Variants in INPP4B observed in about 807,000 individuals in gnomAD.
INPP4B encodes the protein inositol polyphosphate-4-phosphatase type II B.
INPP4B carries 55 observed loss-of-function variants against 122.5 expected under a neutral mutation model. That is an observed-to-expected ratio of 0.45 (90% CI 0.36 to 0.56). The LOEUF (loss-of-function observed/expected upper bound fraction) is 0.56, where lower values mean the gene tolerates loss of function less well. INPP4B is among the 20% of genes least tolerant of loss of function. The pLI is 0.00. For synonymous variants in INPP4B, 403 were observed against 388.7 expected (o/e 1.04, Z -0.43); for missense variants, 1,000 against 1,097.7 (o/e 0.91, Z 1.26).
chr4:142,775,270 C>T (rs542207168), intron 1 of INPP4B, among the ~76,000 whole-genome samples: 1 of 151,232 alleles, frequency 6.6e-6, no homozygotes, highest in South Asian at 2.1e-4. Flanking sequence ...CTTTACTGTA[C>T]TCTTGAACCA....
intron 7 of INPP4B, among the ~76,000 whole-genome samples, chr4:142,322,294 A>C (rs1290519650): frequency 6.6e-6 from 1 of 152,178 alleles, no homozygotes; most frequent in Non-Finnish European, 1.5e-5. Flanking sequence ...TAAAAAAAAA[A>C]CTAGGCAATA....
At chr4:142,213,647 T>G (rs1430586317) in intron 12 of INPP4B, among the ~76,000 whole-genome samples, 1 of 152,228 alleles carries the variant, frequency 6.6e-6, no homozygotes, top group East Asian at 1.9e-4. Flanking sequence ...CTTGCTCGTA[T>G]TCCTTGTATT....
At chr4:142,235,278 G>T (rs188499598) in intron 12 of INPP4B, among the ~76,000 whole-genome samples, 1 of 151,594 alleles carries the variant, frequency 6.6e-6, no homozygotes, top group Non-Finnish European at 1.5e-5. Flanking sequence ...TAAATGAAGT[G>T]GTGTTAATGA....
intron 2 of INPP4B, among the ~76,000 whole-genome samples, chr4:142,625,129 C>G (rs1746030262): frequency 6.6e-6 from 1 of 150,438 alleles, no homozygotes; most frequent in Admixed American, 6.6e-5. Flanking sequence ...AAGTTCTGGC[C>G]AGGGCAATTA....
chr4:142,634,891 GGTT>G (rs1296371124), intron 2 of INPP4B, among the ~76,000 whole-genome samples: 1 of 151,990 alleles, frequency 6.6e-6, no homozygotes, highest in East Asian at 1.9e-4. Flanking sequence ...CCAGGAATAT[GGTT>G]GTGTACTTAA....
intron 15 of INPP4B, among the ~76,000 whole-genome samples, chr4:142,189,890 T>A (rs1191061311): frequency 6.6e-6 from 1 of 152,174 alleles, no homozygotes; most frequent in Non-Finnish European, 1.5e-5. Context: ...TCAGAAACTG[T>A]GCTTTAAAAG....
chr4:142,293,717 C>T (rs1243342252), intron 9 of INPP4B, among the ~76,000 whole-genome samples: 1 of 152,182 alleles, frequency 6.6e-6, no homozygotes, highest in Non-Finnish European at 1.5e-5. Flanking sequence ...TACGCTATGA[C>T]ACAGAACAAC....
At chr4:142,778,960 A>G (rs1774358888) in intron 1 of INPP4B, among the ~76,000 whole-genome samples, 1 of 152,156 alleles carries the variant, frequency 6.6e-6, no homozygotes, top group African/African-American at 2.4e-5. Flanking sequence ...CAAAGCATTT[A>G]TACTTGTCCC....
chr4:142,596,597 C>T (rs534040371), intron 2 of INPP4B, among the ~76,000 whole-genome samples: 17 of 152,112 alleles, frequency 1.1e-4, no homozygotes, highest in Non-Finnish European at 1.3e-4. Flanking sequence ...ATATAATAAG[C>T]GATAAACAAT....
At chr4:142,442,289 G>C (rs1811928739) in intron 3 of INPP4B, among the ~76,000 whole-genome samples, 1 of 151,546 alleles carries the variant, frequency 6.6e-6, no homozygotes, top group Non-Finnish European at 1.5e-5. Flanking sequence ...GCATGTGCCT[G>C]TAATCCCAGC....
intron 12 of INPP4B, among the ~76,000 whole-genome samples, chr4:142,225,056 T>C (rs1298627597): frequency 1.3e-5 from 2 of 152,054 alleles, no homozygotes; most frequent in Non-Finnish European, 2.9e-5. Flanking sequence ...AGTTAACATT[T>C]GAGTCTCTGG....
intron 7 of INPP4B, among the ~76,000 whole-genome samples, chr4:142,331,230 G>A (rs1354359612): frequency 5.3e-5 from 8 of 152,260 alleles, no homozygotes; most frequent in South Asian, 2.1e-4. Flanking sequence ...TTTCTGTGGC[G>A]TAAACACTCC....
At chr4:142,828,615 T>C (rs1392796199) in intron 1 of INPP4B, among the ~76,000 whole-genome samples, 1 of 152,094 alleles carries the variant, frequency 6.6e-6, no homozygotes, top group Non-Finnish European at 1.5e-5. Context: ...ATAGCAGAGA[T>C]TAATTTTAGA....
At chr4:142,601,727 T>C (rs2150299328) in intron 2 of INPP4B, among the ~76,000 whole-genome samples, 1 of 152,124 alleles carries the variant, frequency 6.6e-6, no homozygotes, top group Non-Finnish European at 1.5e-5. Context: ...CCCAGCACTT[T>C]GGGAGGCTGA....
intron 16 of INPP4B, among the ~76,000 whole-genome samples, chr4:142,163,589 T>TATA (rs1821201443): frequency 6.6e-6 from 1 of 151,912 alleles, no homozygotes; most frequent in Admixed American, 6.6e-5. Flanking sequence ...AGTATATTGT[T>TATA]ATAATTGTTT....
At chr4:142,121,606 C>T (rs771087140) in intron 21 of INPP4B, among the ~76,000 whole-genome samples, 2 of 152,014 alleles carry the variant, frequency 1.3e-5, no homozygotes, top group East Asian at 1.9e-4. Context: ...ATACACTGAC[C>T]TTCGAAGCTA....
At chr4:142,310,913 G>A (rs1015927337) in intron 8 of INPP4B, among the ~76,000 whole-genome samples, 5 of 152,026 alleles carry the variant, frequency 3.3e-5, no homozygotes, top group African/African-American at 1.2e-4. Flanking sequence ...ACCTCAAAAG[G>A]TCTAAGAGCA....
intron 1 of INPP4B, among the ~76,000 whole-genome samples, chr4:142,734,248 G>A (rs1766499792): frequency 6.6e-6 from 1 of 152,144 alleles, no homozygotes; most frequent in Non-Finnish European, 1.5e-5. Flanking sequence ...CAAGGTGGGA[G>A]GCCTTGGGAG....
intron 5 of INPP4B, among the ~76,000 whole-genome samples, chr4:142,411,217 C>T (rs577915718): frequency 6.6e-6 from 1 of 152,284 alleles, no homozygotes; most frequent in South Asian, 2.1e-4. Flanking sequence ...TCAACTCACC[C>T]TTTAAGCAGG....
Sources: gnomAD v4.1 joint callset for allele counts (sites outside exome capture counted in the v4.1 genomes callset) on GRCh38, gnomAD v4.1.1 for gene constraint, MANE v1.5 for transcripts, NCBI Gene and HGNC (gene_info 2026-07-23, HGNC 2026-07-21) for gene names.